Variants in KCNIP4 observed in about 807,000 individuals in gnomAD.
KCNIP4 encodes potassium voltage-gated channel interacting protein 4, also known as Kv channel-interacting protein 4.
A neutral mutation model predicts 34.0 loss-of-function variants in KCNIP4; 12 were observed. That is an observed-to-expected ratio of 0.35 (90% confidence interval 0.23 to 0.57). The LOEUF (loss-of-function observed/expected upper bound fraction) is 0.57, where lower values mean the gene tolerates loss of function less well. KCNIP4 is among the 20% of genes least tolerant of loss of function. The pLI is 0.83. For synonymous variants in KCNIP4, 124 were observed against 102.2 expected, an observed-to-expected ratio of 1.21 and a Z score of -1.29; for missense variants, 238 against 311.7, an observed-to-expected ratio of 0.76 and a Z score of 1.78.
At chr4:21,016,708 G>A (rs1739579034) in intron 1 of KCNIP4, among the ~76,000 whole-genome samples, 1 of 152,032 alleles carries the variant, frequency 6.6e-6, no homozygotes. Flanking sequence ...CGCCTTCTGG[G>A]TTCAAGCAAT....
At chr4:21,632,152 T>A (rs1745811122) in intron 1 of KCNIP4, among the ~76,000 whole-genome samples, 1 of 152,218 alleles carries the variant, frequency 6.6e-6, no homozygotes, top group Non-Finnish European at 1.5e-5. Flanking sequence ...GATTCCATGC[T>A]TTTTGATGTT....
At chr4:21,539,546 A>T (rs1003936570) in intron 1 of KCNIP4, among the ~76,000 whole-genome samples, 2 of 152,180 alleles carry the variant, frequency 1.3e-5, no homozygotes, top group African/African-American at 4.8e-5. Flanking sequence ...ATAATGCCCA[A>T]TGACTTTGTT....
At chr4:21,195,465 G>T (rs1236893495) in intron 1 of KCNIP4, among the ~76,000 whole-genome samples, 6 of 152,174 alleles carry the variant, frequency 3.9e-5, no homozygotes, top group Non-Finnish European at 8.8e-5. Flanking sequence ...TTTACAAAAT[G>T]TCTCAGCACT....
intron 1 of KCNIP4, among the ~76,000 whole-genome samples, chr4:21,810,994 G>A (rs562187773): frequency 7.2e-5 from 11 of 152,140 alleles, no homozygotes; most frequent in East Asian, 3.9e-4. Flanking sequence ...TTTTTTTAGC[G>A]CCAACATATT....
chr4:21,175,537 C>T (rs904184426), intron 1 of KCNIP4, among the ~76,000 whole-genome samples: 1 of 152,188 alleles, frequency 6.6e-6, no homozygotes. Context: ...TTCACCTTTT[C>T]ACCCAAAGGA....
chr4:21,338,172 G>A (rs1432620223), intron 1 of KCNIP4, among the ~76,000 whole-genome samples: 3 of 151,068 alleles, frequency 2.0e-5, no homozygotes, highest in Non-Finnish European at 4.4e-5. Flanking sequence ...GGCTGAGGCA[G>A]GAGAATGGCG....
chr4:21,854,748 C>T (rs1724643676), intron 1 of KCNIP4, among the ~76,000 whole-genome samples: 1 of 152,184 alleles, frequency 6.6e-6, no homozygotes, highest in Non-Finnish European at 1.5e-5. Context: ...CTTTTGGAAA[C>T]CAGGCCCTTC....
At chr4:21,588,747 A>T (rs987532355) in intron 1 of KCNIP4, among the ~76,000 whole-genome samples, 4 of 151,972 alleles carry the variant, frequency 2.6e-5, no homozygotes, top group Non-Finnish European at 5.9e-5. Flanking sequence ...GTCTCTAGAG[A>T]ATATTGTCAG....
chr4:21,221,646 AGAT>A (rs1407297679), intron 1 of KCNIP4, among the ~76,000 whole-genome samples: 1 of 152,172 alleles, frequency 6.6e-6, no homozygotes, highest in Non-Finnish European at 1.5e-5. Context: ...TTGCAATTCA[AGAT>A]GATATTCGGG....
chr4:21,536,560 C>G (rs987695115), intron 1 of KCNIP4, among the ~76,000 whole-genome samples: 23 of 152,136 alleles, frequency 1.5e-4, no homozygotes, highest in African/African-American at 4.3e-4. Context: ...AGGCAGATCG[C>G]TTGAGGCCAG....
At chr4:21,558,524 A>AT (rs1739262963) in intron 1 of KCNIP4, among the ~76,000 whole-genome samples, 1 of 151,716 alleles carries the variant, frequency 6.6e-6, no homozygotes, top group Non-Finnish European at 1.5e-5. Context: ...ATATAAATAA[A>AT]ACAAAATAAA....
intron 1 of KCNIP4, chr4:21,852,344 C>A (rs1724464394): frequency 6.6e-6 from 1 of 152,170 alleles, no homozygotes; most frequent in African/African-American, 2.4e-5. Context: ...CATGAGGCAA[C>A]TCACAATCTC....
At chr4:21,451,411 G>T (rs1368461416) in intron 1 of KCNIP4, among the ~76,000 whole-genome samples, 1 of 152,152 alleles carries the variant, frequency 6.6e-6, no homozygotes, top group Non-Finnish European at 1.5e-5. Context: ...CATGGGGGCA[G>T]TGAAAAGAGA....
intron 2 of KCNIP4, among the ~76,000 whole-genome samples, chr4:20,851,041 T>C (rs1720967548): frequency 6.6e-6 from 1 of 152,138 alleles, no homozygotes; most frequent in African/African-American, 2.4e-5. Flanking sequence ...TATTTCTTTT[T>C]TCCCCAACGT....
chr4:20,782,422 A>T (rs1756954066), intron 3 of KCNIP4, among the ~76,000 whole-genome samples: 1 of 152,204 alleles, frequency 6.6e-6, no homozygotes, highest in South Asian at 2.1e-4. Context: ...CTGCCTCTGC[A>T]GCAAACTTCT....
At chr4:21,462,533 G>A (rs1162973253) in intron 1 of KCNIP4, among the ~76,000 whole-genome samples, 2 of 152,040 alleles carry the variant, frequency 1.3e-5, no homozygotes, top group Non-Finnish European at 2.9e-5. Context: ...TAAGATTTTG[G>A]TGGGTACACA....
chr4:21,008,499 A>C (rs1038869843), intron 1 of KCNIP4, among the ~76,000 whole-genome samples: 7 of 151,088 alleles, frequency 4.6e-5, no homozygotes, highest in African/African-American at 1.5e-4. Context: ...TTCATCTTGC[A>C]GCTATGGGCA....
chr4:21,789,477 CTT>C (rs1408485505), intron 1 of KCNIP4, among the ~76,000 whole-genome samples: 2 of 152,138 alleles, frequency 1.3e-5, no homozygotes, highest in East Asian at 1.9e-4. Flanking sequence ...AACATGGTCT[CTT>C]TTTCAGTAAG....
intron 1 of KCNIP4, among the ~76,000 whole-genome samples, chr4:21,454,241 C>T (rs889051236): frequency 7.2e-5 from 11 of 152,194 alleles, no homozygotes; most frequent in South Asian, 2.1e-4. Flanking sequence ...CGCTGCTGAA[C>T]GAGGTGCTTT....
Sources: gnomAD v4.1 joint callset for allele counts (sites outside exome capture counted in the v4.1 genomes callset) on GRCh38, gnomAD v4.1.1 for gene constraint, MANE v1.5 for transcripts, NCBI Gene and HGNC (gene_info 2026-07-23, HGNC 2026-07-21) for gene names.